The following FEZ2 variants were observed in gnomAD, a reference collection of about 807,000 sequenced individuals.
FEZ2 encodes the protein fasciculation and elongation protein zeta 2.
A neutral mutation model predicts 40.4 loss-of-function variants in FEZ2; 51 were observed. The observed-to-expected ratio is 1.26, with a 90% CI of 1.01 to 1.59. FEZ2 has a LOEUF of 1.59. FEZ2 is among the 40% of genes most tolerant of loss of function. The pLI is 0.00. For synonymous variants in FEZ2, 242 were observed against 172.0 expected (o/e 1.41, Z -3.18); for missense variants, 640 against 438.3 (o/e 1.46, Z -4.11).
chr2:36,592,802 A>T (rs960372585), intron 1 of FEZ2, among the ~76,000 whole-genome samples: 1 of 152,194 alleles, frequency 6.6e-6, no homozygotes, highest in Non-Finnish European at 1.5e-5. Flanking sequence ...GAGACAGAGC[A>T]AGACCCTGTC....
At chr2:36,558,297 T>C in intron 6 of FEZ2, 141 bp downstream of exon 6, 3 of 467,646 alleles carry the variant, frequency 6.4e-6, no homozygotes, top group Non-Finnish European at 1.1e-5. Flanking sequence ...TTGGCTTCAT[T>C]CTTATAAAAA....
At chr2:36,586,299 T>C (rs1668896666) in intron 2 of FEZ2, among the ~76,000 whole-genome samples, 1 of 152,184 alleles carries the variant, frequency 6.6e-6, no homozygotes, top group South Asian at 2.1e-4. Context: ...TTTTGTTTTA[T>C]TTTTCCCCTT....
chr2:36,560,554 C>T (rs1668067644), intron 5 of FEZ2, among the ~76,000 whole-genome samples: 1 of 152,132 alleles, frequency 6.6e-6, no homozygotes, highest in African/African-American at 2.4e-5. Flanking sequence ...AGCTATAAAA[C>T]ACGTCTTAAG....
chr2:36,593,866 A>G (rs1025475057), intron 1 of FEZ2, among the ~76,000 whole-genome samples: 2 of 151,386 alleles, frequency 1.3e-5, no homozygotes, highest in African/African-American at 2.4e-5. Flanking sequence ...TCTATCGCAT[A>G]GTCAGGCTGC....
In FEZ2 at chr2:36,581,289, C is replaced by G; in HGVS notation, c.634+1G>C. On this transcript the variant is annotated splice_donor_variant, in intron 4 of 7. Coordinates refer to ENST00000405912, the MANE Select transcript of FEZ2 (RefSeq NM_005102.3). LOFTEE classifies it high-confidence loss of function. ...TCATTGATTTCAGCAGGCTCCCTTA[C>G]TCTCTTCATAACTGCCGGTACTAGA... The G allele has an allele frequency of 6.2e-7, 1 of 1,613,526 alleles. No individual in the cohort carries two copies. The highest frequency in any genetic ancestry group is 8.5e-7 in the Non-Finnish European group (1 of 1,179,530).
intron 6 of FEZ2, chr2:36,556,038 G>T: frequency 1.8e-6 from 1 of 552,722 alleles, no homozygotes; most frequent in Non-Finnish European, 3.5e-6. Context: ...GAGGAACTGG[G>T]TTATTTACAA....
rs372483121 is a variant in FEZ2 at position 36,553,122 on chromosome 2, G to A, written c.*41C>T. The A allele has an allele frequency of 2.0e-5, 31 of 1,541,840 alleles. No homozygotes were observed. The highest frequency in any genetic ancestry group is 1.7e-4 in the Middle Eastern group (1 of 5,956). On this transcript the variant is annotated 3_prime_UTR_variant, in exon 8 of 8. Coordinates refer to ENST00000405912, the MANE Select transcript of FEZ2 (RefSeq NM_005102.3). ...AGCCAGCTCTCAGAATAATGCTGTC[G>A]GAAATCTAGCTTGGAGCCCACCGCA... is the stretch of plus-strand genomic sequence containing the variant.
chr2:36,583,592 A>C, intron 2 of FEZ2, 123 bp from the exon 3 acceptor site: 1 of 624,336 alleles, frequency 1.6e-6, no homozygotes, highest in Non-Finnish European at 2.9e-6. Context: ...AGAGGGAGAA[A>C]TTATTACAAT....
intron 3 of FEZ2, 79 bp downstream of exon 3, chr2:36,583,274 T>C: frequency 1.3e-6 from 1 of 745,334 alleles, no homozygotes; most frequent in East Asian, 2.5e-5. Context: ...CCAACAGCCA[T>C]CATTTACTGT....
chr2:36,582,127 C>G (rs187420463), intron 3 of FEZ2, among the ~76,000 whole-genome samples: 10 of 152,020 alleles, frequency 6.6e-5, no homozygotes, highest in Non-Finnish European at 1.3e-4. Flanking sequence ...GTATCTTGCC[C>G]TTTTCCAGAT....
At chr2:36,592,946 T>A (rs1231758516) in intron 1 of FEZ2, among the ~76,000 whole-genome samples, 1 of 152,222 alleles carries the variant, frequency 6.6e-6, no homozygotes, top group East Asian at 1.9e-4. Flanking sequence ...CTCCTCTCTG[T>A]TGGAATATCT....
chr2:36,566,414 G>GA (rs1668241239), intron 5 of FEZ2, among the ~76,000 whole-genome samples: 1 of 150,074 alleles, frequency 6.7e-6, no homozygotes, highest in African/African-American at 2.5e-5. Context: ...AAACAATAAA[G>GA]AAAGAAAAAT....
chr2:36,575,495 G>C (rs184501614), intron 5 of FEZ2, among the ~76,000 whole-genome samples: 38 of 151,990 alleles, frequency 2.5e-4, no homozygotes, highest in African/African-American at 8.4e-4. Flanking sequence ...ACTGTATCTT[G>C]AAGAACACCT....
chr2:36,579,634 GC>G (rs897014489), intron 4 of FEZ2, among the ~76,000 whole-genome samples: 19 of 151,864 alleles, frequency 1.3e-4, no homozygotes, highest in Non-Finnish European at 2.4e-4. Context: ...GCTCCCTGAG[GC>G]CCCCCCAGAA....
intron 3 of FEZ2, 163 bp from the exon 4 acceptor site, chr2:36,581,594 T>C (rs1209584786): frequency 8.3e-6 from 5 of 604,318 alleles, no homozygotes; most frequent in Admixed American, 6.2e-5. Context: ...ATTTTTACTG[T>C]AGGAGTGAAC....
At chr2:36,576,184 T>C (rs1314697629) in intron 5 of FEZ2, among the ~76,000 whole-genome samples, 1 of 152,208 alleles carries the variant, frequency 6.6e-6, no homozygotes, top group Non-Finnish European at 1.5e-5. Context: ...TTGGGTTTCT[T>C]TTGAGCAACC....
intron 2 of FEZ2, 130 bp downstream of exon 2, chr2:36,590,773 C>A: frequency 1.6e-6 from 1 of 637,798 alleles, no homozygotes; most frequent in Admixed American, 2.6e-5. Flanking sequence ...CAAGACAGAG[C>A]CACCCAAACT....
chr2:36,588,743 T>C (rs1255458189), intron 2 of FEZ2, among the ~76,000 whole-genome samples: 2 of 152,170 alleles, frequency 1.3e-5, no homozygotes, highest in Non-Finnish European at 2.9e-5. Flanking sequence ...TTATTTTCAT[T>C]ATTTTCAATT....
At chr2:36,558,392 T>C in intron 6 of FEZ2, 46 bp downstream of exon 6, 4 of 1,229,408 alleles carry the variant, frequency 3.3e-6, no homozygotes, top group Non-Finnish European at 3.4e-6. Context: ...TGTTTACCAA[T>C]CAGCAAAAGG....
Sources: allele counts gnomAD v4.1 joint callset (sites outside exome capture counted in the v4.1 genomes callset), GRCh38; gene constraint gnomAD v4.1.1; transcripts MANE v1.5; gene names NCBI Gene and HGNC (gene_info 2026-07-23, HGNC 2026-07-21).